Variants in EXOC6B observed in about 807,000 individuals in gnomAD.
EXOC6B encodes the protein exocyst complex component 6B, also known as SEC15 homolog B.
In EXOC6B, 54 loss-of-function variants were observed where a neutral mutation model predicts 113.5. The ratio of observed to expected loss-of-function variants is 0.48; its 90% CI spans 0.38 to 0.60. The LOEUF is 0.60. Among genes scored for constraint, EXOC6B ranks in the 20% least tolerant of loss-of-function variants. The pLI, the probability that EXOC6B is intolerant of heterozygous loss-of-function variation, is 0.00. For missense variants in EXOC6B, 797 were observed against 977.5 expected, an observed-to-expected ratio of 0.82 and a Z score of 2.46; for synonymous variants, 357 against 339.0, an observed-to-expected ratio of 1.05 and a Z score of -0.58.
chr2:72,373,203 G>A (rs890025944), intron 19 of EXOC6B, among the ~76,000 whole-genome samples: 1 of 151,584 alleles, frequency 6.6e-6, no homozygotes, highest in South Asian at 2.1e-4. Flanking sequence ...CGAGTAGCTG[G>A]GATTACATGG....
Position 72,581,136 on chromosome 2 carries a change from C to T in EXOC6B, c.670-5468G>A, listed in dbSNP as rs183040655. ...TAGTGTCTGAAGCCCAAAGGATAACCATGAAAATAAATGTCAAAATCAAGA... is the reference window on the plus strand; with the variant it reads ...TAGTGTCTGAAGCCCAAAGGATAACTATGAAAATAAATGTCAAAATCAAGA... On this transcript the variant is annotated intron_variant, in intron 6 of 21. Coordinates refer to ENST00000272427, the MANE Select transcript of EXOC6B (RefSeq NM_015189.3). Among the ~76,000 whole-genome samples, 17 of 152,228 alleles carry T rather than the reference C, an allele frequency of 1.1e-4. No individual in the cohort carries two copies. In the East Asian group the frequency reaches 3.3e-3, roughly 29 times the overall value.
intron 19 of EXOC6B, among the ~76,000 whole-genome samples, chr2:72,360,930 CAA>C (rs3063329): frequency 2.3e-4 from 21 of 91,114 alleles, no homozygotes; most frequent in Admixed American, 5.0e-4. Context: ...GACTCCATCT[CAA>C]AAAAAAAAAA....
At chr2:72,809,166 A>T (rs528079178) in intron 1 of EXOC6B, among the ~76,000 whole-genome samples, 3 of 152,330 alleles carry the variant, frequency 2.0e-5, no homozygotes, top group African/African-American at 7.2e-5. Context: ...ATGAAAAAGA[A>T]AACAGAAACA....
intron 20 of EXOC6B, among the ~76,000 whole-genome samples, chr2:72,291,788 T>C (rs1360215245): frequency 6.6e-6 from 1 of 152,198 alleles, no homozygotes; most frequent in African/African-American, 2.4e-5. Context: ...ACTATTGTCC[T>C]GCTTCTGGTT....
chr2:72,666,010 A>G (rs1163323887), intron 6 of EXOC6B, among the ~76,000 whole-genome samples: 3 of 152,234 alleles, frequency 2.0e-5, no homozygotes, highest in Non-Finnish European at 4.4e-5. Context: ...TATTATACAA[A>G]TGGAAAATAA....
At position 72,178,536 on chromosome 2, in the gene EXOC6B, A is replaced by G. The variant is rs17007922; in HGVS notation, c.*799T>C. On this transcript the variant is annotated 3_prime_UTR_variant, in exon 22 of 22. Transcript: ENST00000272427. ...TGTAAGTGAAGGAAATGAGATGAAC[A>G]GGGAAGGGATTGGGTCTCTGATTCC... 0.16 allele frequency: 24,046 copies of G among 152,216 alleles called. 2,779 individuals carry two copies. Among genetic ancestry groups the G allele is most frequent in the African/African-American group, 0.33 (13,602 of 41,482 alleles). The allele number at this position is 152,216 out of a possible 1,614,324, so 9.4% of individuals were successfully genotyped here. A position where few individuals can be genotyped will look rare whatever the true frequency, so the allele number is the denominator to read the frequency against.
At chr2:72,226,850 T>TA (rs1190438585) in intron 20 of EXOC6B, among the ~76,000 whole-genome samples, 2 of 152,170 alleles carry the variant, frequency 1.3e-5, no homozygotes, top group Non-Finnish European at 2.9e-5. Context: ...TTATTATATA[T>TA]ATTTGACATC....
chr2:72,559,371 C>T (rs1703753727), intron 8 of EXOC6B, 82 bp downstream of exon 8: 2 of 974,290 alleles, frequency 2.1e-6, no homozygotes, highest in Non-Finnish European at 2.9e-6. Context: ...TAATAATAAA[C>T]AGAAAAACTA....
intron 5 of EXOC6B, among the ~76,000 whole-genome samples, chr2:72,727,664 GT>G (rs1376835608): frequency 2.0e-5 from 3 of 152,140 alleles, no homozygotes; most frequent in African/African-American, 7.2e-5. Context: ...GGGGATGACG[GT>G]GTGTCATGTT....
At chr2:72,689,967 A>G (rs1558920910) in intron 6 of EXOC6B, among the ~76,000 whole-genome samples, 6 of 152,244 alleles carry the variant, frequency 3.9e-5, no homozygotes, top group Admixed American at 1.3e-4. Flanking sequence ...AGGAGGACAG[A>G]GATGGTTTAT....
At chr2:72,345,801 A>G (rs1338601116) in intron 19 of EXOC6B, among the ~76,000 whole-genome samples, 1 of 152,224 alleles carries the variant, frequency 6.6e-6, no homozygotes, top group African/African-American at 2.4e-5. Flanking sequence ...TACAACACGA[A>G]GAGTGAACCC....
At chr2:72,714,610 GA>G (rs1005429290) in intron 6 of EXOC6B, among the ~76,000 whole-genome samples, 37 of 148,414 alleles carry the variant, frequency 2.5e-4, no homozygotes, top group African/African-American at 7.9e-4. Flanking sequence ...AACAATATGA[GA>G]AAAAAAAAAT....
chr2:72,352,486 T>G (rs1254305016), intron 19 of EXOC6B, among the ~76,000 whole-genome samples: 1 of 152,106 alleles, frequency 6.6e-6, no homozygotes, highest in Admixed American at 6.5e-5. Flanking sequence ...GATATTTGGG[T>G]TTTTTTCTCT....
At position 72,506,463 on chromosome 2, in the gene EXOC6B, T is replaced by C. The variant is rs571324262; in HGVS notation, c.1168-6491A>G. Among the ~76,000 whole-genome samples the C allele has an allele frequency of 9.2e-5, 14 of 152,298 alleles. No individual in the cohort carries two copies. The East Asian group carries it at 2.7e-3, about 29-fold the overall frequency. ...AAATCCAAGTTTGAGTTATGAACTC[T>C]GGACTAAGAAGTTACCTCAACGAAA... On this transcript the variant is annotated intron_variant, in intron 11 of 21. Transcript: ENST00000272427.
intron 1 of EXOC6B, among the ~76,000 whole-genome samples, chr2:72,798,994 C>A (rs1685130983): frequency 6.6e-6 from 1 of 151,856 alleles, no homozygotes; most frequent in Admixed American, 6.6e-5. Flanking sequence ...ATCCCAGCAC[C>A]TTAGGAGGCC....
intron 2 of EXOC6B, among the ~76,000 whole-genome samples, chr2:72,734,343 C>T (rs770205640): frequency 6.6e-6 from 1 of 152,156 alleles, no homozygotes; most frequent in East Asian, 1.9e-4. Context: ...TAATTAATGG[C>T]ACCACATGTG....
At chr2:72,686,479 C>T (rs969980359) in intron 6 of EXOC6B, among the ~76,000 whole-genome samples, 1 of 152,064 alleles carries the variant, frequency 6.6e-6, no homozygotes, top group Non-Finnish European at 1.5e-5. Flanking sequence ...ATCTGATATT[C>T]CTAAAAGCAA....
chr2:72,235,098 G>A (rs1385633734), intron 20 of EXOC6B, among the ~76,000 whole-genome samples: 1 of 152,130 alleles, frequency 6.6e-6, no homozygotes. Flanking sequence ...GCAAGCATGT[G>A]TATGTTCATT....
intron 1 of EXOC6B, among the ~76,000 whole-genome samples, chr2:72,813,945 C>T (rs1258033969): frequency 6.6e-6 from 1 of 151,916 alleles, no homozygotes; most frequent in East Asian, 1.9e-4. Context: ...GAAACAAAGG[C>T]ACAATTTGCA....
Sources: allele counts gnomAD v4.1 joint callset (sites outside exome capture counted in the v4.1 genomes callset), GRCh38; gene constraint gnomAD v4.1.1; transcripts MANE v1.5; gene names NCBI Gene and HGNC (gene_info 2026-07-23, HGNC 2026-07-21).